Variants in NBDY observed in about 807,000 individuals in gnomAD.
NBDY encodes the protein negative regulator of P-body association, also known as P-body dissociating protein.
At chrX:56,749,654 CTTT>C (rs80181550) in intron 2 of NBDY, among the ~76,000 whole-genome samples, 34 of 81,858 alleles carry the variant, frequency 4.2e-4, no homozygotes, top group Non-Finnish European at 3.9e-4. Context: ...CATTTGCATC[CTTT>C]TTTTTTTTTT....
chrX:56,743,237 A>C (rs2069540035), intron 2 of NBDY, among the ~76,000 whole-genome samples: 1 of 111,228 alleles, frequency 9.0e-6, no homozygotes, highest in Admixed American at 9.6e-5. Context: ...TGTTTGCATC[A>C]ATATTTATCA....
chrX:56,757,738 G>T (rs986862676), intron 2 of NBDY, among the ~76,000 whole-genome samples: 4 of 111,047 alleles, frequency 3.6e-5, no homozygotes, highest in African/African-American at 1.3e-4. Context: ...GGAAGGGAAG[G>T]TTTGTCTTCA....
intron 2 of NBDY, among the ~76,000 whole-genome samples, chrX:56,810,153 C>G (rs999102872): frequency 9.0e-6 from 1 of 111,299 alleles, no homozygotes; most frequent in African/African-American, 3.3e-5. Flanking sequence ...CCTTGTAACC[C>G]AACCTTTCTC....
At chrX:56,808,882 C>G (rs761931539) in intron 2 of NBDY, among the ~76,000 whole-genome samples, 6 of 112,793 alleles carry the variant, frequency 5.3e-5, no homozygotes, top group Non-Finnish European at 9.4e-5. Context: ...CTCCTGCTTT[C>G]TCTTGTGGGC....
chrX:56,752,408 G>A (rs776948295), intron 2 of NBDY, among the ~76,000 whole-genome samples: 8 of 110,400 alleles, frequency 7.2e-5, no homozygotes, highest in Non-Finnish European at 1.5e-4. Context: ...TGATTGGTGT[G>A]AGATTTTTTT....
chrX:56,781,032 G>A (rs1176206471), intron 2 of NBDY, among the ~76,000 whole-genome samples: 4 of 110,784 alleles, frequency 3.6e-5, no homozygotes, highest in Admixed American at 1.9e-4. Context: ...CATCCACCTC[G>A]GGGCCCCTCC....
intron 2 of NBDY, among the ~76,000 whole-genome samples, chrX:56,745,584 A>G (rs1304852964): frequency 9.0e-6 from 1 of 111,154 alleles, no homozygotes; most frequent in Non-Finnish European, 1.9e-5. Context: ...TATCTAATAT[A>G]CTATCCATAT....
At chrX:56,815,698 G>T (rs2069907699) in intron 2 of NBDY, among the ~76,000 whole-genome samples, 1 of 111,960 alleles carries the variant, frequency 8.9e-6, no homozygotes, top group Admixed American at 9.5e-5. Flanking sequence ...ATTTTGTGCA[G>T]ATATTTTTAA....
chrX:56,733,455 A>T (rs1176148017), intron 2 of NBDY, among the ~76,000 whole-genome samples: 1 of 111,368 alleles, frequency 9.0e-6, no homozygotes, highest in Non-Finnish European at 1.9e-5. Flanking sequence ...CTCATAATTC[A>T]TTGCACAACA....
At chrX:56,797,724 A>T (rs779345502) in intron 2 of NBDY, among the ~76,000 whole-genome samples, 5 of 111,040 alleles carry the variant, frequency 4.5e-5, no homozygotes, top group Non-Finnish European at 9.4e-5. Context: ...AACGATACGG[A>T]TTTCAGTGTG....
intron 2 of NBDY, among the ~76,000 whole-genome samples, chrX:56,795,716 A>G (rs2069788458): frequency 8.9e-6 from 1 of 112,317 alleles, no homozygotes; most frequent in Admixed American, 9.4e-5. Flanking sequence ...CCACATGACC[A>G]TGGAACAGGC....
rs59311802 is a variant in NBDY at position 56,792,962 on chromosome X, A to G, written c.*167-24358A>G. 1.5e-3 allele frequency among the ~76,000 whole-genome samples: 164 copies of G among 111,788 alleles called. 6 individuals are homozygous for G. Among genetic ancestry groups the G allele is most frequent in the East Asian group, 9.6e-3 (34 of 3,525 alleles). On this transcript the variant is annotated intron_variant, in intron 2 of 2. Coordinates refer to ENST00000374922, the MANE Select transcript of NBDY (RefSeq NM_001348129.2). ...AAGTCCCCTCAGGAGCCTTGTCCCT[A>G]TGGGATGCCATGAGAATCTGTGGCA...
intron 2 of NBDY, among the ~76,000 whole-genome samples, chrX:56,745,276 T>C (rs1007427575): frequency 1.8e-5 from 2 of 111,277 alleles, no homozygotes; most frequent in Non-Finnish European, 3.8e-5. Flanking sequence ...GAGTCGTTTA[T>C]GGAATTTTCC....
chrX:56,739,244 ATATATATATATATATATATGTATG>A (rs2069516471), intron 2 of NBDY, among the ~76,000 whole-genome samples: 2 of 78,635 alleles, frequency 2.5e-5, no homozygotes, highest in Non-Finnish European at 4.6e-5. Context: ...GTGTGTATAT[ATATATATATATATATATATGTATG>A]TATATATATA....
rs778091853 is a variant in NBDY at position 56,796,897 on chromosome X, C to T, written c.*167-20423C>T. ...TAAGTGGGACATGACCGGTGGCTCC[C>T]TGCCACTCGTTGTGTATGTCATCAC... On this transcript the variant is annotated intron_variant, in intron 2 of 2. Coordinates refer to ENST00000374922, the MANE Select transcript of NBDY (RefSeq NM_001348129.2). 1.4e-4 allele frequency among the ~76,000 whole-genome samples: 16 copies of T among 111,794 alleles called. No homozygotes were observed. In the South Asian group the frequency reaches 6.2e-3, roughly 43 times the overall value.
At chrX:56,753,426 G>A (rs887159906) in intron 2 of NBDY, among the ~76,000 whole-genome samples, 9 of 112,319 alleles carry the variant, frequency 8.0e-5, no homozygotes, top group African/African-American at 2.3e-4. Context: ...ACATTCAAGT[G>A]AAGATGTCCA....
intron 2 of NBDY, among the ~76,000 whole-genome samples, chrX:56,798,333 T>C (rs2146736309): frequency 8.9e-6 from 1 of 112,208 alleles, no homozygotes; most frequent in South Asian, 3.7e-4. Context: ...TGTGATGTCA[T>C]GGGAATCTGT....
chrX:56,759,398 C>A (rs969317467), intron 2 of NBDY, among the ~76,000 whole-genome samples: 6 of 112,358 alleles, frequency 5.3e-5, no homozygotes, highest in African/African-American at 1.9e-4. Flanking sequence ...AAACAGGATT[C>A]CCACAGGGTC....
intron 2 of NBDY, among the ~76,000 whole-genome samples, chrX:56,795,794 C>T (rs1479720386): frequency 1.8e-5 from 2 of 112,579 alleles, no homozygotes; most frequent in African/African-American, 3.2e-5. Flanking sequence ...GCATCCACCA[C>T]GGGCGCACCT....
Sources: allele counts gnomAD v4.1 joint callset (sites outside exome capture counted in the v4.1 genomes callset), GRCh38; gene constraint gnomAD v4.1.1; transcripts MANE v1.5; gene names NCBI Gene and HGNC (gene_info 2026-07-23, HGNC 2026-07-21).